The following CTCF variants were observed in gnomAD, a reference collection of about 807,000 sequenced individuals.
CTCF encodes the protein CCCTC-binding factor, also known as transcriptional repressor CTCF.
Under a neutral mutation model 72.3 loss-of-function variants are expected in CTCF, and 7 were observed. That is an observed-to-expected ratio of 0.10 (90% CI 0.06 to 0.18). CTCF has a LOEUF of 0.18. Ranked by LOEUF, CTCF falls within the 10% of genes least tolerant of loss-of-function variation. The pLI is 1.00. For missense variants in CTCF, 516 were observed against 949.1 expected, an observed-to-expected ratio of 0.54 and a Z score of 6.00; for synonymous variants, 374 against 315.8, an observed-to-expected ratio of 1.18 and a Z score of -1.95.
intron 2 of CTCF, among the ~76,000 whole-genome samples, chr16:67,597,642 A>G (rs1393695753): frequency 6.6e-6 from 1 of 152,220 alleles, no homozygotes; most frequent in African/African-American, 2.4e-5. Flanking sequence ...TGGCCCTGCC[A>G]ATGCTTCTTT....
intron 10 of CTCF, 117 bp from the exon 11 acceptor site, chr16:67,636,569 GTATA>G (rs66893507): frequency 1.9e-3 from 454 of 243,482 alleles, no homozygotes; most frequent in East Asian, 4.4e-3. Flanking sequence ...GAAAGAAAGT[GTATA>G]TATATATATA....
At chr16:67,619,212 G>C (rs1393796341) in intron 5 of CTCF, among the ~76,000 whole-genome samples, 1 of 152,168 alleles carries the variant, frequency 6.6e-6, no homozygotes, top group Non-Finnish European at 1.5e-5. Context: ...GAGGCGGGTT[G>C]GTCACCTGAG....
At chr16:67,575,719 A>C (rs377613096) in intron 2 of CTCF, among the ~76,000 whole-genome samples, 10 of 151,808 alleles carry the variant, frequency 6.6e-5, no homozygotes, top group African/African-American at 2.4e-4. Flanking sequence ...CTGGGATTAC[A>C]AGCGTGAGCC....
At chr16:67,630,854 G>A (rs1403101328) in intron 10 of CTCF, among the ~76,000 whole-genome samples, 2 of 152,188 alleles carry the variant, frequency 1.3e-5, no homozygotes, top group Non-Finnish European at 2.9e-5. Context: ...TGTTCAGAGT[G>A]TTAGATTCTG....
intron 2 of CTCF, among the ~76,000 whole-genome samples, chr16:67,591,822 C>T (rs1567600098): frequency 1.3e-5 from 2 of 152,008 alleles, no homozygotes; most frequent in African/African-American, 4.8e-5. Flanking sequence ...GCGATCCTCC[C>T]GCCTCAGTCC....
In CTCF at chr16:67,614,412, G is replaced by C. The variant is rs189981335; in HGVS notation, c.952+2291G>C. The C allele has an allele frequency of 3.2e-3, 478 of 149,690 alleles. 2 individuals are homozygous for C. The highest frequency in any genetic ancestry group is 5.6e-3 in the Non-Finnish European group (378 of 67,496). The allele number at this position is 149,690 out of a possible 1,614,324, so 9.3% of individuals were successfully genotyped here. On this transcript the variant is annotated intron_variant, in intron 4 of 11. Coordinates refer to ENST00000264010, the MANE Select transcript of CTCF (RefSeq NM_006565.4). ...AGCTAACTTGGTGAGGATGAGCCTT[G>C]ATGGCTGGGCATGGTGGCTCACACC... is the stretch of plus-strand genomic sequence containing the variant.
chr16:67,568,311 C>T (rs1450652537), intron 1 of CTCF: 3 of 149,610 alleles, frequency 2.0e-5, no homozygotes, highest in African/African-American at 7.4e-5. Context: ...AACTCATGAC[C>T]TCAGGTTATC....
At chr16:67,634,861 C>T (rs927811625) in intron 10 of CTCF, among the ~76,000 whole-genome samples, 3 of 150,680 alleles carry the variant, frequency 2.0e-5, no homozygotes, top group Non-Finnish European at 4.4e-5. Flanking sequence ...CGCCACCACA[C>T]CTAGCTAATT....
chr16:67,611,641 C>T, intron 3 of CTCF, 28 bp downstream of exon 3: 6 of 1,586,818 alleles, frequency 3.8e-6, no homozygotes, highest in South Asian at 1.1e-5. Context: ...ATAGTGGTTT[C>T]ATAAAACCAT....
At chr16:67,563,575 C>G (rs1054566084) in intron 1 of CTCF, 1 of 151,940 alleles carries the variant, frequency 6.6e-6, no homozygotes, top group Non-Finnish European at 1.5e-5. Flanking sequence ...CCGGTGCGGC[C>G]CCCCCACGGT....
intron 2 of CTCF, among the ~76,000 whole-genome samples, chr16:67,595,904 C>T (rs2051807197): frequency 6.6e-6 from 1 of 152,136 alleles, no homozygotes; most frequent in Non-Finnish European, 1.5e-5. Flanking sequence ...GCTAGTTTCA[C>T]TGCACCAAGG....
At chr16:67,595,269 T>C (rs111709178) in intron 2 of CTCF, among the ~76,000 whole-genome samples, 58 of 149,602 alleles carry the variant, frequency 3.9e-4, no homozygotes, top group African/African-American at 1.2e-3. Flanking sequence ...GCCATCCTCC[T>C]GCTTCAGCTT....
At chr16:67,578,783 A>C (rs1351618006) in intron 2 of CTCF, among the ~76,000 whole-genome samples, 10 of 151,028 alleles carry the variant, frequency 6.6e-5, no homozygotes, top group Non-Finnish European at 1.5e-4. Flanking sequence ...CCCCATCTCT[A>C]CTAAAAATAC....
chr16:67,584,500 G>A (rs186119037), intron 2 of CTCF, among the ~76,000 whole-genome samples: 3 of 151,650 alleles, frequency 2.0e-5, no homozygotes, highest in East Asian at 2.0e-4. Flanking sequence ...TGGAATTTTT[G>A]TACTTTTAGT....
chr16:67,601,217 GGTGTGTGTGTGTGTGT>G (rs59655549), intron 2 of CTCF, among the ~76,000 whole-genome samples: 10 of 128,398 alleles, frequency 7.8e-5, no homozygotes, highest in East Asian at 7.1e-4. Context: ...TGCACTAAGG[GGTGTGTGTGTGTGTGT>G]GTGTGTGTGT....
At chr16:67,595,107 T>C (rs756535477) in intron 2 of CTCF, among the ~76,000 whole-genome samples, 26 of 152,156 alleles carry the variant, frequency 1.7e-4, no homozygotes, top group Non-Finnish European at 3.2e-4. Flanking sequence ...CAATCATGAA[T>C]TTTTGGAATT....
intron 4 of CTCF, among the ~76,000 whole-genome samples, chr16:67,613,440 A>C (rs2052086990): frequency 6.6e-6 from 1 of 152,176 alleles, no homozygotes; most frequent in African/African-American, 2.4e-5. Context: ...ATTTCTACTC[A>C]GACACTTGAT....
intron 10 of CTCF, among the ~76,000 whole-genome samples, chr16:67,633,610 C>T (rs935717121): frequency 6.6e-6 from 1 of 151,988 alleles, no homozygotes; most frequent in Non-Finnish European, 1.5e-5. Context: ...CCTCACAATG[C>T]GTAAGAATTT....
rs143549419 is a variant in CTCF, at chr16:67,582,928, A to G, written c.-10+11664A>G. On this transcript the variant is annotated intron_variant, in intron 2 of 11. Transcript: ENST00000264010. ...TCACGTATATAGCTGTAAATACTCT[A>G]CACATTTTTCACACACTGAACTTAA... Among the ~76,000 whole-genome samples, 361 of 151,726 alleles carry G rather than the reference A, an allele frequency of 2.4e-3. 6 individuals carry two copies. The East Asian group carries it at 0.025, about 11-fold the overall frequency.
Sources: allele counts gnomAD v4.1 joint callset (sites outside exome capture counted in the v4.1 genomes callset), GRCh38; gene constraint gnomAD v4.1.1; transcripts MANE v1.5; gene names NCBI Gene and HGNC (gene_info 2026-07-23, HGNC 2026-07-21).